Variants in CLPTM1 observed in about 807,000 individuals in gnomAD.
The protein encoded by CLPTM1 is CLPTM1 regulator of GABA type A receptor forward trafficking.
A neutral mutation model predicts 77.3 loss-of-function variants in CLPTM1; 21 were observed. That is an observed-to-expected ratio of 0.27 (90% confidence interval 0.19 to 0.39). The LOEUF is 0.39. CLPTM1 is among the 10% of genes least tolerant of loss of function. CLPTM1 has a pLI of 1.00. For synonymous variants in CLPTM1, 373 were observed against 381.0 expected (o/e 0.98, Z 0.24); for missense variants, 642 against 921.2 (o/e 0.70, Z 3.92).
chr19:44,968,749 CA>C (rs1217164713), intron 2 of CLPTM1, among the ~76,000 whole-genome samples: 1 of 152,198 alleles, frequency 6.6e-6, no homozygotes, highest in Non-Finnish European at 1.5e-5. Context: ...CACACTAAGC[CA>C]GGGGCAGAGC....
intron 2 of CLPTM1, among the ~76,000 whole-genome samples, chr19:44,964,145 C>T (rs191223224): frequency 1.3e-5 from 2 of 151,292 alleles, no homozygotes; most frequent in Admixed American, 6.6e-5. Context: ...GAGACCTTAT[C>T]GCAAAAAAAA....
chr19:44,974,060 G>A (rs986447978), intron 3 of CLPTM1, among the ~76,000 whole-genome samples: 1 of 152,008 alleles, frequency 6.6e-6, no homozygotes, highest in Non-Finnish European at 1.5e-5. Context: ...CACCGTGCCC[G>A]GTGGCTCACA....
chr19:44,955,367 C>CGGGGGGGGGGGGGGG, upstream of CLPTM1: 1 of 501,420 alleles, frequency 2.0e-6, no homozygotes, highest in Non-Finnish European at 2.6e-6. Flanking sequence ...GCGGGGCTGG[C>CGGGGGGGGGGGGGGG]GGCGGGGGCG....
Position 44,990,294 on chromosome 19 carries a change from C to A in CLPTM1, c.1133-101C>A. 1 of 1,271,164 alleles carries A rather than the reference C, an allele frequency of 7.9e-7. No homozygotes were observed. The highest frequency in any genetic ancestry group is 1.1e-6 in the Non-Finnish European group (1 of 902,152). 78.7% of individuals were successfully genotyped at this position (1,271,164 alleles called of 1,614,324 possible). Reference sequence around the variant, plus strand: ...CACCCCTCCTGAGGACCCAGCCCCACCCCAGGGTGTGAGGATGCAGGCCAA... The same window carrying A: ...CACCCCTCCTGAGGACCCAGCCCCAACCCAGGGTGTGAGGATGCAGGCCAA... On this transcript the variant is annotated intron_variant, in intron 9 of 13. Coordinates refer to ENST00000337392, the MANE Select transcript of CLPTM1 (RefSeq NM_001294.4). This position sits in a 1 kb window ranked among gnomAD's most constrained non-coding sequence, Gnocchi z 4.8.
intron 5 of CLPTM1, among the ~76,000 whole-genome samples, chr19:44,979,394 C>T (rs1241414721): frequency 6.6e-6 from 1 of 152,064 alleles, no homozygotes; most frequent in African/African-American, 2.4e-5. Flanking sequence ...CTCAGAAAGC[C>T]CCCCATTCTT....
chr19:44,991,148 C>T lies in CLPTM1; in HGVS notation c.1420-90C>T. On this transcript the variant is annotated intron_variant, in intron 11 of 13. Transcript: ENST00000337392. This position sits in a 1 kb window ranked among gnomAD's most constrained non-coding sequence, Gnocchi z 5.4. The stretch of plus-strand genomic sequence containing the variant: ...CTGGAAATTCCCCCTGCCCGGCCTG[C>T]CAGACCAGGTGTGGTGGGTGAGGGC... 1 of 1,582,028 alleles carries T rather than the reference C, an allele frequency of 6.3e-7. No individual in the cohort carries two copies. Among genetic ancestry groups the T allele is most frequent in the South Asian group, 1.1e-5 (1 of 88,240 alleles).
chr19:44,987,270 C>T lies in CLPTM1; in HGVS notation c.885C>T (p.Asn295=), dbSNP rs1288842030. The change falls in exon 8 of 14, where the codon AAC becomes AAT. Residue 295 remains asparagine (N), a synonymous_variant. Coordinates refer to ENST00000337392, the MANE Select transcript of CLPTM1 (RefSeq NM_001294.4). ...WNLQKDYYPI[N]ESLASLPLRV... ...TGCAGAAGGACTACTACCCCATCAACGAGAGCCTGGCCAGCCTGCCGCTCC... is the reference window on the plus strand; with the variant it reads ...TGCAGAAGGACTACTACCCCATCAATGAGAGCCTGGCCAGCCTGCCGCTCC... The T allele has an allele frequency of 6.2e-6, 10 of 1,614,144 alleles. No individual in the cohort carries two copies. The East Asian group carries it at 6.7e-5, about 11-fold the overall frequency.
intron 2 of CLPTM1, among the ~76,000 whole-genome samples, chr19:44,966,626 G>A (rs1970633558): frequency 6.7e-6 from 1 of 150,116 alleles, no homozygotes; most frequent in Non-Finnish European, 1.5e-5. Flanking sequence ...GCCTGGTCAG[G>A]TTATCACCCT....
chr19:44,961,703 C>T (rs975239702), intron 1 of CLPTM1, among the ~76,000 whole-genome samples: 2 of 152,182 alleles, frequency 1.3e-5, no homozygotes, highest in Non-Finnish European at 2.9e-5. Context: ...CTTTCTCCCC[C>T]ACCGGGCTGT....
chr19:44,992,428 C>G lies in CLPTM1; in HGVS notation c.1723+28C>G. The G allele has an allele frequency of 6.2e-7, 1 of 1,613,302 alleles. No individual in the cohort carries two copies. The highest frequency in any genetic ancestry group is 8.5e-7 in the Non-Finnish European group (1 of 1,179,576). On this transcript the variant is annotated intron_variant, in intron 13 of 13. Coordinates refer to ENST00000337392, the MANE Select transcript of CLPTM1 (RefSeq NM_001294.4). This position sits in a 1 kb window ranked among gnomAD's most constrained non-coding sequence, Gnocchi z 7.7. ...GAGGCCCGGTGGGCAGGTGGGAGCT[C>G]CCACCGGAACAGGGCCCTGAGGCAG...
Position 44,991,462 on chromosome 19 carries a change from C to A in CLPTM1, c.1555+89C>A. The A allele has an allele frequency of 1.3e-6, 2 of 1,508,790 alleles. No homozygotes were observed. The highest frequency in any genetic ancestry group is 1.2e-5 in the South Asian group (1 of 85,448). 93.5% of individuals were successfully genotyped at this position (1,508,790 alleles called of 1,614,324 possible). On this transcript the variant is annotated intron_variant, in intron 12 of 13. Transcript: ENST00000337392. The surrounding 1 kb of genome is among the most constrained non-coding windows in gnomAD (Gnocchi z 5.4). ...TGTAGGAGACAGACCCATCCCCAGA[C>A]AGGGACAACCTAGGGTGGGCAGAGC...
Position 44,992,436 on chromosome 19 carries a change from A to G in CLPTM1, c.1723+36A>G. The G allele has an allele frequency of 6.2e-7, 1 of 1,612,502 alleles. No individual in the cohort carries two copies. Among genetic ancestry groups the G allele is most frequent in the Non-Finnish European group, 8.5e-7 (1 of 1,178,890 alleles). Reference sequence around the variant, plus strand: ...GTGGGCAGGTGGGAGCTCCCACCGGAACAGGGCCCTGAGGCAGTCTTTAGG... The same window carrying G: ...GTGGGCAGGTGGGAGCTCCCACCGGGACAGGGCCCTGAGGCAGTCTTTAGG... On this transcript the variant is annotated intron_variant, in intron 13 of 13. Transcript: ENST00000337392. This position sits in a 1 kb window ranked among gnomAD's most constrained non-coding sequence, Gnocchi z 7.7.
chr19:44,965,686 C>T (rs1043449509), intron 2 of CLPTM1, among the ~76,000 whole-genome samples: 2 of 145,722 alleles, frequency 1.4e-5, no homozygotes, highest in African/African-American at 5.1e-5. Context: ...TGGTGGCGGG[C>T]GCCTGTAGTC....
rs1438262466 is a variant in CLPTM1 at position 44,990,881 on chromosome 19, T to G, written c.1355T>G (p.Phe452Cys). The change falls in exon 11 of 14, where the codon TTC becomes TGC. Residue 452 changes from phenylalanine to cysteine, a missense_variant. Transcript: ENST00000337392. This position sits in a 1 kb window ranked among gnomAD's most constrained non-coding sequence, Gnocchi z 4.8. ...LDREHRVAGI[F>C]PRLSFKDKST... is the part of the protein sequence containing the mutation. ...CGAGAGCACAGGGTGGCAGGAATCT[T>G]CCCCCGCCTATCCTTCAAGGACAAG... The G allele has an allele frequency of 1.2e-6, 2 of 1,613,628 alleles. No individual in the cohort carries two copies. The highest frequency in any genetic ancestry group is 4.5e-5 in the East Asian group (2 of 44,880).
chr19:44,970,886 C>A (rs1970707213), intron 2 of CLPTM1, among the ~76,000 whole-genome samples: 1 of 143,266 alleles, frequency 7.0e-6, no homozygotes, highest in Non-Finnish European at 1.5e-5. Flanking sequence ...GCTGGAGTGC[C>A]ATGGCACGAT....
At chr19:44,976,722 G>T (rs1970811105) in intron 4 of CLPTM1, among the ~76,000 whole-genome samples, 1 of 152,160 alleles carries the variant, frequency 6.6e-6, no homozygotes, top group African/African-American at 2.4e-5. Flanking sequence ...CTTGGGCAGA[G>T]AGGGGCCAGC....
At chr19:44,968,130 T>C (rs1413751370) in intron 2 of CLPTM1, among the ~76,000 whole-genome samples, 1 of 152,236 alleles carries the variant, frequency 6.6e-6, no homozygotes, top group Non-Finnish European at 1.5e-5. Context: ...ACATTTTTAA[T>C]ACAAGTCACA....
chr19:44,956,150 A>G (rs1207042060), intron 1 of CLPTM1, among the ~76,000 whole-genome samples: 1 of 152,192 alleles, frequency 6.6e-6, no homozygotes, highest in African/African-American at 2.4e-5. Context: ...GCTACCGTTC[A>G]GGCATTTGGG....
rs1218155169 is a variant in CLPTM1 at position 44,988,217 on chromosome 19, G to A, written c.1132+44G>A. On this transcript the variant is annotated intron_variant, in intron 9 of 13. Coordinates refer to ENST00000337392, the MANE Select transcript of CLPTM1 (RefSeq NM_001294.4). Reference sequence around the variant, plus strand: ...GGCTAGTGAGAGGCTGTGCAGGGTGGGGGACAGGACCTGCCCCCTTCCTCC... The same window carrying A: ...GGCTAGTGAGAGGCTGTGCAGGGTGAGGGACAGGACCTGCCCCCTTCCTCC... The A allele has an allele frequency of 3.5e-6, 5 of 1,431,598 alleles. No individual in the cohort carries two copies. The South Asian group carries it at 5.7e-5, about 16-fold the overall frequency. The allele number at this position is 1,431,598 out of a possible 1,614,324, so 88.7% of individuals were successfully genotyped here. A position where few individuals can be genotyped will look rare whatever the true frequency, so the allele number is the denominator to read the frequency against.
Sources: allele counts gnomAD v4.1 joint callset (sites outside exome capture counted in the v4.1 genomes callset), GRCh38; gene constraint gnomAD v4.1.1; non-coding constraint Gnocchi (gnomAD v3.1); transcripts MANE v1.5; gene names NCBI Gene and HGNC (gene_info 2026-07-23, HGNC 2026-07-21).